The following NFX1 variants were observed in gnomAD, a reference collection of about 807,000 sequenced individuals.
The protein encoded by NFX1 is nuclear transcription factor, X-box binding 1.
NFX1 carries 69 observed loss-of-function variants against 137.2 expected under a neutral mutation model. That is an observed-to-expected ratio of 0.50 (90% confidence interval 0.41 to 0.61). The LOEUF (loss-of-function observed/expected upper bound fraction) is 0.61, where lower values mean the gene tolerates loss of function less well. NFX1 is among the 20% of genes least tolerant of loss of function. The pLI, the probability that NFX1 is intolerant of heterozygous loss-of-function variation, is 0.00. For missense variants in NFX1, 1,167 were observed against 1,391.0 expected (o/e 0.84, Z 2.56); for synonymous variants, 495 against 474.1 (o/e 1.04, Z -0.57).
At chr9:33,350,841 A>G (rs1297325711) in intron 15 of NFX1, among the ~76,000 whole-genome samples, 1 of 152,220 alleles carries the variant, frequency 6.6e-6, no homozygotes, top group Non-Finnish European at 1.5e-5. Flanking sequence ...TTAAAGTAAT[A>G]ATAATCCTTA....
intron 5 of NFX1, 63 bp from the exon 6 acceptor site, chr9:33,311,036 CAGCTGGG>C (rs1444062955): frequency 1.1e-5 from 15 of 1,418,118 alleles, no homozygotes; most frequent in Non-Finnish European, 1.5e-5. Flanking sequence ...CAATAAGACC[CAGCTGGG>C]ACAGCTTTGT....
chr9:33,317,828 T>G (rs1438855568), intron 7 of NFX1, among the ~76,000 whole-genome samples: 1 of 151,556 alleles, frequency 6.6e-6, no homozygotes, highest in African/African-American at 2.4e-5. Flanking sequence ...ATACAGAAAT[T>G]AGCTGGGCGT....
chr9:33,295,089 G>A lies in NFX1; in HGVS notation c.695G>A (p.Gly232Glu). The A allele has an allele frequency of 6.2e-7, 1 of 1,614,150 alleles. No individual in the cohort carries two copies. Among genetic ancestry groups the A allele is most frequent in the Non-Finnish European group, 8.5e-7 (1 of 1,180,032 alleles). ...SSRKGVLDGY[G>E]ARRNEQRRYP... ...AGAAAAGGAGTATTGGATGGGTATG[G>A]AGCCAGACGAAATGAGCAGAGAAGA... is the stretch of plus-strand genomic sequence containing the variant. The change falls in exon 2 of 24, where the codon GGA becomes GAA. Residue 232 changes from glycine (G) to glutamate (E), a missense_variant. Gly to Glu is a moderately conservative substitution (Grantham distance 98). This residue lies in a region of NFX1 where 367 missense variants were observed against 386.7 expected (regional missense o/e 0.95). Transcript: ENST00000379540.
rs573752828 is a variant in NFX1, at chr9:33,316,076, G to A, written c.1588+2283G>A. On this transcript the variant is annotated intron_variant, in intron 7 of 23. Transcript: ENST00000379540. ...CTAAAATTTCTGGTCTGTTCTCTGT[G>A]GAATAGAACTTCAAGGCTTCCATCA... Among the ~76,000 whole-genome samples the A allele has an allele frequency of 3.3e-5, 5 of 152,208 alleles. No individual in the cohort carries two copies. In the South Asian group the frequency reaches 8.3e-4, roughly 25 times the overall value.
intron 19 of NFX1, among the ~76,000 whole-genome samples, chr9:33,361,589 A>G (rs1823992539): frequency 6.6e-6 from 1 of 152,074 alleles, no homozygotes; most frequent in African/African-American, 2.4e-5. Context: ...CCTGGCCAAC[A>G]TGGTGAAACC....
At chr9:33,316,064 T>C (rs1019640109) in intron 7 of NFX1, among the ~76,000 whole-genome samples, 1 of 152,196 alleles carries the variant, frequency 6.6e-6, no homozygotes, top group African/African-American at 2.4e-5. Flanking sequence ...AAATTTCTGG[T>C]CTGTTCTCTG....
chr9:33,340,068 T>A (rs538958581), intron 12 of NFX1, among the ~76,000 whole-genome samples: 1 of 152,332 alleles, frequency 6.6e-6, no homozygotes, highest in African/African-American at 2.4e-5. Context: ...AGTGGCCTTC[T>A]TCTCACAGCT....
intron 19 of NFX1, among the ~76,000 whole-genome samples, chr9:33,357,705 CTTTTTTTT>C (rs78778092): frequency 1.5e-5 from 2 of 132,088 alleles, no homozygotes; most frequent in East Asian, 2.1e-4. Context: ...CTAAGATTTT[CTTTTTTTT>C]TTTTTTTTCT....
In NFX1 at chr9:33,364,230, A is replaced by G. The variant is rs540770719; in HGVS notation, c.2972+122A>G. 2.5e-4 allele frequency: 153 copies of G among 607,818 alleles called. No individual in the cohort carries two copies. The African/African-American group carries it at 2.7e-3, about 11-fold the overall frequency. The allele number at this position is 607,818 out of a possible 1,614,324, so 37.7% of individuals were successfully genotyped here. A position where few individuals can be genotyped will look rare whatever the true frequency, so the allele number is the denominator to read the frequency against. ...CCAGTTCAAGTTTGTTTGTTTATCT[A>G]TTGTAAGAGATTATGTGCTGTTTAA... On this transcript the variant is annotated intron_variant, in intron 20 of 23. Coordinates refer to ENST00000379540, the MANE Select transcript of NFX1 (RefSeq NM_002504.6).
chr9:33,310,588 T>C (rs1224221762), intron 5 of NFX1, among the ~76,000 whole-genome samples: 1 of 152,182 alleles, frequency 6.6e-6, no homozygotes, highest in Non-Finnish European at 1.5e-5. Context: ...CTCACTAGCA[T>C]GCCTCCCCTC....
chr9:33,342,848 C>T lies in NFX1; in HGVS notation c.2218C>T (p.Gln740Ter), dbSNP rs760699354. Residue 740 changes from glutamine (Q) to a stop codon, truncating the protein, a stop_gained, in exon 13 of 24, where the codon CAA (glutamine) becomes TAA (stop). Coordinates refer to ENST00000379540, the MANE Select transcript of NFX1 (RefSeq NM_002504.6). LOFTEE classifies it high-confidence loss of function. ...TCGTGGAAACTGCCAGACATGCTGGCAAGCCAGTGAGTGTCTTTACTGTAT... is the reference window on the plus strand; with the variant it reads ...TCGTGGAAACTGCCAGACATGCTGGTAAGCCAGTGAGTGTCTTTACTGTAT... ...CHRGNCQTCW[Q>*]ASFDELTCHC... The T allele has an allele frequency of 1.2e-6, 2 of 1,608,856 alleles. No individual in the cohort carries two copies. Among genetic ancestry groups the T allele is most frequent in the Non-Finnish European group, 1.7e-6 (2 of 1,176,676 alleles).
In NFX1 at chr9:33,351,670, G is replaced by A. The variant is rs1181184349; in HGVS notation, c.2535G>A (p.Glu845=). 4.3e-6 allele frequency: 7 copies of A among 1,614,164 alleles called. No homozygotes were observed. Among genetic ancestry groups the A allele is most frequent in the Non-Finnish European group, 5.9e-6 (7 of 1,180,028 alleles). The change falls in exon 16 of 24, where the codon GAG becomes GAA. Residue 845 remains glutamate (E), a synonymous_variant. Transcript: ENST00000379540. ...HKCQRLCHKG[E]CLVDEPCKQP... is the part of the protein sequence containing the mutation. ...GTCAGAGACTCTGTCACAAAGGGGA[G>A]TGTCTTGTGGATGAGCCCTGCAAGC...
At chr9:33,369,178 GC>G (rs1166008518) in intron 23 of NFX1, among the ~76,000 whole-genome samples, 2 of 151,922 alleles carry the variant, frequency 1.3e-5, no homozygotes, top group African/African-American at 4.8e-5. Flanking sequence ...CCATTCTCCT[GC>G]CTCAGCCTCC....
chr9:33,363,037 T>C (rs1040198965), intron 19 of NFX1, among the ~76,000 whole-genome samples: 2 of 151,970 alleles, frequency 1.3e-5, no homozygotes, highest in African/African-American at 4.8e-5. Context: ...ACTGGGGTGA[T>C]GATGGTTAAC....
intron 7 of NFX1, among the ~76,000 whole-genome samples, chr9:33,314,233 C>T (rs559863450): frequency 2.6e-4 from 39 of 152,154 alleles, no homozygotes; most frequent in Non-Finnish European, 5.0e-4. Context: ...ATAATGCCTG[C>T]CTGGGCCTCC....
chr9:33,359,462 G>C (rs1275673774), intron 19 of NFX1, among the ~76,000 whole-genome samples: 1 of 152,136 alleles, frequency 6.6e-6, no homozygotes, highest in Admixed American at 6.6e-5. Flanking sequence ...AGCCGGGCAT[G>C]GTGGCAGACG....
intron 15 of NFX1, among the ~76,000 whole-genome samples, chr9:33,349,656 G>A (rs371004081): frequency 1.3e-5 from 2 of 151,692 alleles, no homozygotes. Flanking sequence ...AGGAAGCGTG[G>A]AAACAGGCCA....
intron 3 of NFX1, 108 bp downstream of exon 3, chr9:33,301,529 C>G: frequency 8.2e-7 from 1 of 1,215,924 alleles, no homozygotes; most frequent in Non-Finnish European, 1.1e-6. Flanking sequence ...ACTACTTTTT[C>G]TGCAGGGAGA....
rs754516773 is a variant in NFX1 at position 33,301,377 on chromosome 9, T to G, written c.1148T>G (p.Leu383Trp). 6.2e-7 allele frequency: 1 copy of G among 1,614,106 alleles called. No homozygotes were observed. The highest frequency in any genetic ancestry group is 1.1e-5 in the South Asian group (1 of 91,082). ...SCQSCYHVFH[L>W]NCIKKWARSP... Reference sequence around the variant, plus strand: ...CAGAGCTGTTACCATGTGTTTCATTTGAACTGCATAAAGAAATGGGCAAGG... The same window carrying G: ...CAGAGCTGTTACCATGTGTTTCATTGGAACTGCATAAAGAAATGGGCAAGG... The change falls in exon 3 of 24, where the codon TTG becomes TGG. Residue 383 changes from leucine to tryptophan, a missense_variant. Physicochemically the swap from Leu to Trp is moderately conservative, Grantham distance 61. Transcript: ENST00000379540.
Sources: gnomAD v4.1 joint callset for allele counts (sites outside exome capture counted in the v4.1 genomes callset) on GRCh38, gnomAD v4.1.1 for gene constraint, gnomAD v4.1.1 regional missense constraint, MANE v1.5 for transcripts, NCBI Gene and HGNC (gene_info 2026-07-23, HGNC 2026-07-21) for gene names.